Variants in MAD1L1 observed in about 807,000 individuals in gnomAD.
MAD1L1 encodes mitotic spindle assembly checkpoint protein MAD1.
A neutral mutation model predicts 96.9 loss-of-function variants in MAD1L1; 95 were observed. The ratio of observed to expected loss-of-function variants is 0.98; its 90% CI spans 0.83 to 1.16. MAD1L1 has a LOEUF of 1.16. MAD1L1 is among the 50% of genes most tolerant of loss of function. The pLI, the probability that MAD1L1 is intolerant of heterozygous loss-of-function variation, is 0.00. For missense variants in MAD1L1, 1,007 were observed against 954.4 expected, an observed-to-expected ratio of 1.06 and a Z score of -0.73; for synonymous variants, 473 against 396.6, an observed-to-expected ratio of 1.19 and a Z score of -2.29.
chr7:2,062,336 G>A (rs894241501), intron 12 of MAD1L1, among the ~76,000 whole-genome samples: 1 of 151,708 alleles, frequency 6.6e-6, no homozygotes, highest in African/African-American at 2.4e-5. Context: ...TTTGGGATTG[G>A]GAGGCCGAAG....
chr7:2,011,580 T>A (rs760974051), intron 13 of MAD1L1, among the ~76,000 whole-genome samples: 6 of 152,092 alleles, frequency 3.9e-5, no homozygotes, highest in Non-Finnish European at 5.9e-5. Context: ...GGTGACCTGG[T>A]CCCGCTGAGG....
chr7:2,042,819 G>A (rs1783747082), intron 12 of MAD1L1, among the ~76,000 whole-genome samples: 1 of 152,128 alleles, frequency 6.6e-6, no homozygotes, highest in Admixed American at 6.5e-5. Context: ...CCCAGCCTCA[G>A]GGATTCCTTT....
intron 4 of MAD1L1, among the ~76,000 whole-genome samples, chr7:2,224,690 G>A (rs1264188813): frequency 6.6e-6 from 1 of 152,200 alleles, no homozygotes. Context: ...CTGAACCTTG[G>A]CAGCATTTCC....
intron 12 of MAD1L1, among the ~76,000 whole-genome samples, chr7:2,067,862 G>A (rs1024691938): frequency 2.0e-5 from 3 of 151,840 alleles, no homozygotes; most frequent in African/African-American, 4.8e-5. Context: ...GTTGAGGTGC[G>A]TGGCAGGTGC....
intron 10 of MAD1L1, among the ~76,000 whole-genome samples, chr7:2,156,222 T>C (rs34427210): frequency 0.14 from 18,116 of 129,806 alleles, 1,631 homozygotes; most frequent in Middle Eastern, 0.21. Context: ...TCACGGCGCG[T>C]GTGGCGAGGG....
chr7:2,215,750 C>A lies in MAD1L1; in HGVS notation c.924+135G>T, dbSNP rs956861579. On this transcript the variant is annotated intron_variant, in intron 9 of 18. Transcript: ENST00000265854. ...GAGGCATGGACCTCTCTGGGGACCA[C>A]GATTCTGCCTCCCACCCCATCACAG... 1.8e-5 allele frequency: 14 copies of A among 774,836 alleles called. No individual in the cohort carries two copies. In the East Asian group the frequency reaches 3.6e-4, roughly 20 times the overall value. 48.0% of individuals were successfully genotyped at this position (774,836 alleles called of 1,614,324 possible). A position where few individuals can be genotyped will look rare whatever the true frequency, so the allele number is the denominator to read the frequency against.
chr7:1,884,649 C>T (rs1167070167), intron 18 of MAD1L1, among the ~76,000 whole-genome samples: 2 of 152,222 alleles, frequency 1.3e-5, no homozygotes, highest in Admixed American at 1.3e-4. Flanking sequence ...TGAGACAGCC[C>T]GAGAGGGGCT....
At position 1,816,049 on chromosome 7, in the gene MAD1L1, C is replaced by CTATGCCCCCG; in HGVS notation, c.*11_*20dup. 6.3e-7 allele frequency: 1 copy of CTATGCCCCCG among 1,595,362 alleles called. No individual in the cohort carries two copies. Among genetic ancestry groups the CTATGCCCCCG allele is most frequent in the African/African-American group, 1.3e-5 (1 of 74,796 alleles). On this transcript the variant is annotated 3_prime_UTR_variant, in exon 19 of 19. Coordinates refer to ENST00000265854, the MANE Select transcript of MAD1L1 (RefSeq NM_001013836.2). ...GTCAGGCCAAGCAGAGTGGCTCCGG[C>CTATGCCCCCG]TATGCCCCCGAGCCTGCAGGCTACG...
intron 18 of MAD1L1, among the ~76,000 whole-genome samples, chr7:1,854,056 C>T (rs1265611164): frequency 6.6e-6 from 1 of 152,220 alleles, no homozygotes; most frequent in Non-Finnish European, 1.5e-5. Flanking sequence ...GGGTAATTAC[C>T]AGCTCGATCA....
At position 1,878,055 on chromosome 7, in the gene MAD1L1, T is replaced by C. The variant is rs551490038; in HGVS notation, c.1998+20145A>G. Among the ~76,000 whole-genome samples, 4 of 152,304 alleles carry C rather than the reference T, an allele frequency of 2.6e-5. No individual in the cohort carries two copies. The South Asian group carries it at 8.3e-4, about 32-fold the overall frequency. ...GATAATAATGAATTATTATGAATGA[T>C]TTTATGCCAATAAATTTGACAGTAT... is the stretch of plus-strand genomic sequence containing the variant. On this transcript the variant is annotated intron_variant, in intron 18 of 18. Transcript: ENST00000265854.
intron 11 of MAD1L1, among the ~76,000 whole-genome samples, chr7:2,098,630 C>CATCCAGCACAGCCCTGGTCACGGAGG (rs1205147179): frequency 4.6e-5 from 7 of 152,208 alleles, no homozygotes; most frequent in African/African-American, 1.4e-4. Context: ...CAGACACGTC[C>CATCCAGCACAGCCCTGGTCACGGAGG]ATCCAGCACA....
intron 15 of MAD1L1, among the ~76,000 whole-genome samples, chr7:1,958,980 G>T (rs1046218443): frequency 6.6e-6 from 1 of 152,194 alleles, no homozygotes; most frequent in Non-Finnish European, 1.5e-5. Flanking sequence ...GGCCAGGCAC[G>T]GTGGCTCACG....
At chr7:1,903,441 AGGC>A (rs2128445249) in intron 17 of MAD1L1, among the ~76,000 whole-genome samples, 1 of 150,082 alleles carries the variant, frequency 6.7e-6, no homozygotes, top group African/African-American at 2.5e-5. Context: ...GCACTGTTCC[AGGC>A]AGCGAGGATG....
At chr7:1,913,547 C>T (rs964431762) in intron 17 of MAD1L1, among the ~76,000 whole-genome samples, 7 of 151,936 alleles carry the variant, frequency 4.6e-5, no homozygotes, top group Non-Finnish European at 1.0e-4. Flanking sequence ...ATGGCCCTGG[C>T]GTCCTGGGGG....
intron 13 of MAD1L1, 88 bp from the exon 14 acceptor site, chr7:2,002,209 G>T: frequency 2.3e-6 from 3 of 1,301,090 alleles, no homozygotes; most frequent in Non-Finnish European, 2.2e-6. Context: ...CCACCACCCC[G>T]CAGCCTCCAC....
chr7:1,999,420 G>A lies in MAD1L1; in HGVS notation c.1416+2645C>T, dbSNP rs143741769. On this transcript the variant is annotated intron_variant, in intron 14 of 18. Transcript: ENST00000265854. ...ATCTCCGCCTCCCTCCCTCCACTGC[G>A]CTCCCCTGGCAAACCCGCCCTGGTA... 2.6e-3 allele frequency among the ~76,000 whole-genome samples: 397 copies of A among 151,896 alleles called. 2 individuals are homozygous for A. The highest frequency in any genetic ancestry group is 9.0e-3 in the African/African-American group (371 of 41,420).
At position 2,094,873 on chromosome 7, in the gene MAD1L1, G is replaced by A. The variant is rs1379732509; in HGVS notation, c.1074-25535C>T. Among the ~76,000 whole-genome samples the A allele has an allele frequency of 2.0e-5, 3 of 152,232 alleles. No individual in the cohort carries two copies. In the East Asian group the frequency reaches 5.8e-4, roughly 29 times the overall value. ...CCAGGAACAGGAAGTGGGGGGGCAGGAGGGACTCAGCTGATCACGCTGTTT... is the reference window on the plus strand; with the variant it reads ...CCAGGAACAGGAAGTGGGGGGGCAGAAGGGACTCAGCTGATCACGCTGTTT... On this transcript the variant is annotated intron_variant, in intron 11 of 18. Coordinates refer to ENST00000265854, the MANE Select transcript of MAD1L1 (RefSeq NM_001013836.2).
chr7:2,075,381 G>A (rs905248946), intron 11 of MAD1L1, among the ~76,000 whole-genome samples: 4 of 152,226 alleles, frequency 2.6e-5, no homozygotes, highest in African/African-American at 9.6e-5. Flanking sequence ...CTGAGCCACA[G>A]CGGCACCAGC....
At chr7:2,045,306 C>T (rs1783873368) in intron 12 of MAD1L1, among the ~76,000 whole-genome samples, 1 of 152,122 alleles carries the variant, frequency 6.6e-6, no homozygotes, top group African/African-American at 2.4e-5. Context: ...TGAGATACCC[C>T]ACGTCCCTAT....
Sources: gnomAD v4.1 joint callset for allele counts (sites outside exome capture counted in the v4.1 genomes callset) on GRCh38, gnomAD v4.1.1 for gene constraint, MANE v1.5 for transcripts, NCBI Gene and HGNC (gene_info 2026-07-23, HGNC 2026-07-21) for gene names.